HELZ: variants seen among roughly 807,000 people sequenced by gnomAD.
HELZ encodes the protein helicase with zinc finger, also known as ATP-dependent RNA helicase with zinc finger domain.
HELZ carries 23 observed loss-of-function variants against 218.2 expected under a neutral mutation model. That is an observed-to-expected ratio of 0.11 (90% CI 0.08 to 0.15). The LOEUF (loss-of-function observed/expected upper bound fraction) is 0.15. HELZ is among the 10% of genes least tolerant of loss of function. The pLI, the probability that HELZ is intolerant of heterozygous loss-of-function variation, is 1.00. For synonymous variants in HELZ, 814 were observed against 829.4 expected (o/e 0.98, Z 0.32); for missense variants, 1,813 against 2,353.7 (o/e 0.77, Z 4.75).
At position 67,075,306 on chromosome 17, in the gene HELZ, A is replaced by G. The variant is rs1325019852; in HGVS notation, c.*2946T>C. On this transcript the variant is annotated 3_prime_UTR_variant, in exon 33 of 33. Coordinates refer to ENST00000358691, the MANE Select transcript of HELZ (RefSeq NM_014877.4). ...AACTTCAGAGTGATACAAAGGACAA[A>G]GATGTAAAAAGACATTATGTGAACA... The G allele has an allele frequency of 2.0e-5, 3 of 152,182 alleles. No homozygotes were observed. Among genetic ancestry groups the G allele is most frequent in the African/African-American group, 4.8e-5 (2 of 41,454 alleles). 9.4% of individuals were successfully genotyped at this position (152,182 alleles called of 1,614,324 possible).
At chr17:67,235,141 C>G (rs1416514023) in intron 3 of HELZ, among the ~76,000 whole-genome samples, 1 of 152,114 alleles carries the variant, frequency 6.6e-6, no homozygotes, top group Admixed American at 6.5e-5. Context: ...CCATGGCACA[C>G]TGGTATGCCC....
chr17:67,094,243 G>C (rs2036663480), intron 31 of HELZ, among the ~76,000 whole-genome samples: 1 of 151,922 alleles, frequency 6.6e-6, no homozygotes, highest in South Asian at 2.1e-4. Context: ...GATCGCTTGA[G>C]CCTGGAAGGC....
chr17:67,144,517 A>T (rs2038433607), intron 21 of HELZ, among the ~76,000 whole-genome samples: 1 of 151,846 alleles, frequency 6.6e-6, no homozygotes, highest in Non-Finnish European at 1.5e-5. Flanking sequence ...AGTAAAACTG[A>T]CAGTCCATGA....
intron 3 of HELZ, among the ~76,000 whole-genome samples, chr17:67,229,471 A>G (rs1320498931): frequency 6.6e-6 from 1 of 152,204 alleles, no homozygotes; most frequent in Non-Finnish European, 1.5e-5. Flanking sequence ...TGAATCATCT[A>G]TTATCTTGAG....
rs2036033973 is a variant in HELZ at position 67,076,965 on chromosome 17, C to G, written c.*1287G>C. 1 of 151,968 alleles carries G rather than the reference C, an allele frequency of 6.6e-6. No homozygotes were observed. The highest frequency in any genetic ancestry group is 1.5e-5 in the Non-Finnish European group (1 of 68,014). The allele number at this position is 151,968 out of a possible 1,614,324, so 9.4% of individuals were successfully genotyped here. ...TATTGCTTTAAATGTGTGACAAGAC[C>G]ATAAGTTTCAAGAGGGTAAACATCT... On this transcript the variant is annotated 3_prime_UTR_variant, in exon 33 of 33. Coordinates refer to ENST00000358691, the MANE Select transcript of HELZ (RefSeq NM_014877.4).
Position 67,078,229 on chromosome 17 carries a change from C to T in HELZ, c.*23G>A, listed in dbSNP as rs765427451. The T allele has an allele frequency of 6.5e-7, 1 of 1,529,850 alleles. No homozygotes were observed. The highest frequency in any genetic ancestry group is 9.0e-7 in the Non-Finnish European group (1 of 1,111,274). The allele number at this position is 1,529,850 out of a possible 1,614,324, so 94.8% of individuals were successfully genotyped here. ...ATACAAACAGAAATTAAAACATTCTCCCTTGAGGGAAAAAAAAAGTGATTA... is the reference window on the plus strand; with the variant it reads ...ATACAAACAGAAATTAAAACATTCTTCCTTGAGGGAAAAAAAAAGTGATTA... On this transcript the variant is annotated 3_prime_UTR_variant, in exon 33 of 33. Coordinates refer to ENST00000358691, the MANE Select transcript of HELZ (RefSeq NM_014877.4).
chr17:67,145,955 A>G, intron 20 of HELZ, 65 bp from the exon 21 acceptor site: 2 of 1,243,338 alleles, frequency 1.6e-6, no homozygotes, highest in Non-Finnish European at 1.1e-6. Context: ...CACCCATAAG[A>G]AAAAAAAAAT....
chr17:67,158,277 A>G (rs1448128154), intron 17 of HELZ, among the ~76,000 whole-genome samples: 1 of 152,156 alleles, frequency 6.6e-6, no homozygotes, highest in Non-Finnish European at 1.5e-5. Flanking sequence ...CATGGTCATG[A>G]GCAGACACTT....
rs2037212273 is a variant in HELZ at position 67,109,480 on chromosome 17, C to T, written c.4125G>A (p.Gln1375=). The T allele has an allele frequency of 8.1e-6, 13 of 1,613,986 alleles. No homozygotes were observed. Among genetic ancestry groups the T allele is most frequent in the Non-Finnish European group, 1.1e-5 (13 of 1,180,030 alleles). The part of the protein sequence containing the change: ...QLPRPPFPIP[Q]QHTLLNQQQN... ...GCTGCTGATTTAACAAGGTGTGCTGCTGTGGAATTGGAAAGGGTGGTCTTG... is the reference window on the plus strand; with the variant it reads ...GCTGCTGATTTAACAAGGTGTGCTGTTGTGGAATTGGAAAGGGTGGTCTTG... The change falls in exon 29 of 33, where the codon CAG becomes CAA. Residue 1375 remains glutamine (Q), a synonymous_variant. Transcript: ENST00000358691.
intron 15 of HELZ, among the ~76,000 whole-genome samples, chr17:67,166,130 A>G (rs1353572146): frequency 6.6e-6 from 1 of 152,098 alleles, no homozygotes; most frequent in East Asian, 1.9e-4. Context: ...GCAAGACCCC[A>G]ACTCTAAATA....
intron 7 of HELZ, among the ~76,000 whole-genome samples, chr17:67,196,570 T>TTGGATGGATGGA (rs200704348): frequency 1.3e-4 from 16 of 127,958 alleles, no homozygotes; most frequent in Middle Eastern, 3.6e-3. Context: ...GGTTGGTTAG[T>TTGGATGGATGGA]TGGATGGATG....
At chr17:67,157,510 T>G (rs865925136) in intron 17 of HELZ, among the ~76,000 whole-genome samples, 1 of 152,228 alleles carries the variant, frequency 6.6e-6, no homozygotes, top group Non-Finnish European at 1.5e-5. Context: ...AGTTAGACAC[T>G]GTCTAAAAGA....
At chr17:67,217,930 G>GT (rs1316743927) in intron 4 of HELZ, among the ~76,000 whole-genome samples, 7,105 of 134,690 alleles carry the variant, frequency 0.053, 402 homozygotes, top group African/African-American at 0.14. Context: ...GTTTTTTGTT[G>GT]TTTTTTTTTT....
intron 6 of HELZ, among the ~76,000 whole-genome samples, chr17:67,202,988 A>G (rs994013501): frequency 1.3e-5 from 2 of 151,904 alleles, no homozygotes; most frequent in Non-Finnish European, 2.9e-5. Context: ...CAGGGATGGT[A>G]GTGCGCATCT....
chr17:67,080,885 C>T (rs923403350), intron 32 of HELZ, among the ~76,000 whole-genome samples: 12 of 152,144 alleles, frequency 7.9e-5, no homozygotes, highest in Admixed American at 2.0e-4. Flanking sequence ...AACAATCTCT[C>T]GGTTTCTGTG....
rs766570238 is a variant in HELZ at position 67,108,454 on chromosome 17, G to A, written c.4724+38C>T. On this transcript the variant is annotated intron_variant, in intron 30 of 32. Transcript: ENST00000358691. The surrounding 1 kb of genome is among the most constrained non-coding windows in gnomAD (Gnocchi z 4.1). ...AGTCAAAAAAGAGAACAGTGAGGGGGTCGCATTCCAGGGGCTATTTTCAGT... is the reference window on the plus strand; with the variant it reads ...AGTCAAAAAAGAGAACAGTGAGGGGATCGCATTCCAGGGGCTATTTTCAGT... 6.2e-6 allele frequency: 9 copies of A among 1,457,910 alleles called. No individual in the cohort carries two copies. Among genetic ancestry groups the A allele is most frequent in the South Asian group, 1.1e-5 (1 of 87,490 alleles). The allele number at this position is 1,457,910 out of a possible 1,614,324, so 90.3% of individuals were successfully genotyped here.
chr17:67,135,007 T>C (rs1447247993), intron 23 of HELZ, among the ~76,000 whole-genome samples: 2 of 152,072 alleles, frequency 1.3e-5, no homozygotes, highest in African/African-American at 4.8e-5. Context: ...AGCACAGTTC[T>C]TCAACACTCA....
intron 21 of HELZ, among the ~76,000 whole-genome samples, chr17:67,143,067 G>C (rs1465364684): frequency 6.6e-6 from 1 of 151,902 alleles, no homozygotes; most frequent in Non-Finnish European, 1.5e-5. Context: ...GGCCAAGGAG[G>C]GACATTTAAA....
intron 13 of HELZ, chr17:67,176,314 A>T (rs980322970): frequency 1.3e-5 from 2 of 152,260 alleles, no homozygotes; most frequent in Admixed American, 6.5e-5. Flanking sequence ...TATCATGAGC[A>T]TCATCACTGC....
Sources: allele counts gnomAD v4.1 joint callset (sites outside exome capture counted in the v4.1 genomes callset), GRCh38; gene constraint gnomAD v4.1.1; non-coding constraint Gnocchi (gnomAD v3.1); transcripts MANE v1.5; gene names NCBI Gene and HGNC (gene_info 2026-07-23, HGNC 2026-07-21).